The following GAS2L3 variants were observed in gnomAD, a reference collection of about 807,000 sequenced individuals.
GAS2L3 encodes growth arrest specific 2 like 3, also known as GAS2-like protein 3.
Under a neutral mutation model 37.0 loss-of-function variants are expected in GAS2L3, and 28 were observed. The ratio of observed to expected loss-of-function variants is 0.76; its 90% CI spans 0.56 to 1.04. The LOEUF is 1.04. Ranked by LOEUF, GAS2L3 falls within the 50% of genes least tolerant of loss-of-function variation. GAS2L3 has a pLI of 0.00. For missense variants in GAS2L3, 793 were observed against 817.6 expected (o/e 0.97, Z 0.37); for synonymous variants, 290 against 296.6 (o/e 0.98, Z 0.23).
At chr12:100,581,643 A>G (rs1955713990) in intron 1 of GAS2L3, among the ~76,000 whole-genome samples, 1 of 152,232 alleles carries the variant, frequency 6.6e-6, no homozygotes, top group South Asian at 2.1e-4. Context: ...TAATATCTAG[A>G]AGTTAGGGAG....
intron 1 of GAS2L3, chr12:100,579,518 C>A (rs1955681423): frequency 1.3e-6 from 1 of 773,876 alleles, no homozygotes; most frequent in Non-Finnish European, 2.4e-6. Flanking sequence ...ATTTAAATTT[C>A]ATAATTGGAG....
chr12:100,628,198 A>C lies in GAS2L3; in HGVS notation c.*3308A>C, dbSNP rs932669316. 1.3e-5 allele frequency: 2 copies of C among 152,218 alleles called. No individual in the cohort carries two copies. The highest frequency in any genetic ancestry group is 4.8e-5 in the African/African-American group (2 of 41,460). The allele number at this position is 152,218 out of a possible 1,614,324, so 9.4% of individuals were successfully genotyped here. On this transcript the variant is annotated 3_prime_UTR_variant, in exon 10 of 10. Transcript: ENST00000547754. ...TCACATAATAACCCCATTTGAATCC[A>C]AATTTGTGTATATTTTCTTATGCCA...
At chr12:100,575,811 C>T (rs1955630078) in intron 1 of GAS2L3, among the ~76,000 whole-genome samples, 1 of 152,082 alleles carries the variant, frequency 6.6e-6, no homozygotes, top group South Asian at 2.1e-4. Context: ...AAAACTGAAG[C>T]TCAAAGAAGG....
chr12:100,616,957 C>T (rs1046851016), intron 6 of GAS2L3, among the ~76,000 whole-genome samples: 2 of 151,280 alleles, frequency 1.3e-5, no homozygotes, highest in Non-Finnish European at 2.9e-5. Flanking sequence ...GTGGGTTTTT[C>T]CTAGATGCCC....
Position 100,600,397 on chromosome 12 carries a change from G to A in GAS2L3, c.34G>A (p.Asp12Asn). Residue 12 changes from aspartate to asparagine, a missense_variant, in exon 4 of 10, where the codon GAT becomes AAT. Transcript: ENST00000547754. The stretch of plus-strand genomic sequence containing the variant: ...TTTTCTTTAGGTATGGTTTGGAGAA[G>A]ATCTGCCTCTAAGTCCTCGGAGTCC... ...QPAIQVWFGE[D>N]LPLSPRSPLT... 6.3e-7 allele frequency: 1 copy of A among 1,588,724 alleles called. No individual in the cohort carries two copies.
chr12:100,616,463 C>T (rs1956188789), intron 6 of GAS2L3, among the ~76,000 whole-genome samples: 1 of 151,990 alleles, frequency 6.6e-6, no homozygotes, highest in Admixed American at 6.6e-5. Flanking sequence ...GAGACAGGGT[C>T]TCACTCTGTC....
intron 6 of GAS2L3, among the ~76,000 whole-genome samples, chr12:100,615,981 C>G (rs551502565): frequency 6.1e-4 from 92 of 152,032 alleles, no homozygotes; most frequent in African/African-American, 2.2e-3. Flanking sequence ...TTTGGAATCC[C>G]ATACTAATTT....
rs149270935 is a variant in GAS2L3 at position 100,586,317 on chromosome 12, C to T, written c.-151-5419C>T. On this transcript the variant is annotated intron_variant, in intron 1 of 9. Coordinates refer to ENST00000547754, the MANE Select transcript of GAS2L3 (RefSeq NM_174942.3). The stretch of plus-strand genomic sequence containing the variant: ...CGCATGGAACTTTCTCCAAGATAGA[C>T]CATGTAATAGGGCATAAAACGAGCC... Among the ~76,000 whole-genome samples, 593 of 152,258 alleles carry T rather than the reference C, an allele frequency of 3.9e-3. 11 individuals carry two copies. Among genetic ancestry groups the T allele is most frequent in the African/African-American group, 0.014 (570 of 41,538 alleles).
intron 2 of GAS2L3, among the ~76,000 whole-genome samples, chr12:100,593,313 T>G (rs944839815): frequency 6.6e-5 from 10 of 152,176 alleles, no homozygotes; most frequent in Admixed American, 3.3e-4. Flanking sequence ...TTTTTAAAGT[T>G]AATCCAGATG....
chr12:100,615,002 T>G (rs1418303732), intron 6 of GAS2L3, among the ~76,000 whole-genome samples: 1 of 152,324 alleles, frequency 6.6e-6, no homozygotes, highest in South Asian at 2.1e-4. Flanking sequence ...GAAGTAAACA[T>G]ATTTCTTAAT....
chr12:100,589,180 G>A (rs986218123), intron 1 of GAS2L3, among the ~76,000 whole-genome samples: 9 of 152,050 alleles, frequency 5.9e-5, no homozygotes, highest in Non-Finnish European at 1.2e-4. Flanking sequence ...CGTCTGCTGC[G>A]GCTCCCTCCG....
rs376355999 is a variant in GAS2L3, at chr12:100,597,326, A to G, written c.18+2404A>G. Among the ~76,000 whole-genome samples, 181 of 152,234 alleles carry G rather than the reference A, an allele frequency of 1.2e-3. 3 individuals are homozygous for G. In the South Asian group the frequency reaches 0.035, roughly 29 times the overall value. On this transcript the variant is annotated intron_variant, in intron 3 of 9. Transcript: ENST00000547754. ...TACAAAGAGTCATTTGCTAATATCT[A>G]TTCCTCAATTATTGAACAAATATGT...
rs1804106823 is a variant in GAS2L3 at position 100,624,942 on chromosome 12, C to T, written c.*52C>T. The T allele has an allele frequency of 1.5e-6, 2 of 1,364,074 alleles. No individual in the cohort carries two copies. The highest frequency in any genetic ancestry group is 2.0e-6 in the Non-Finnish European group (2 of 994,256). 84.5% of individuals were successfully genotyped at this position (1,364,074 alleles called of 1,614,324 possible). On this transcript the variant is annotated 3_prime_UTR_variant, in exon 10 of 10. Coordinates refer to ENST00000547754, the MANE Select transcript of GAS2L3 (RefSeq NM_174942.3). ...AAAGGAAGAATGAATGTGTTAGCTT[C>T]ACATCTTAAAAGTTTCTCCTATTTG...
At position 100,624,904 on chromosome 12, in the gene GAS2L3, A is replaced by T. The variant is rs140054697; in HGVS notation, c.*14A>T. 8.5e-4 allele frequency: 1,278 copies of T among 1,510,852 alleles called. 13 individuals are homozygous for T. The African/African-American group carries it at 0.016, about 18-fold the overall frequency. 93.6% of individuals were successfully genotyped at this position (1,510,852 alleles called of 1,614,324 possible). Reference sequence around the variant, plus strand: ...CCTAGAAAATAAATACATACTCATTATAAAAAAAGAGAAAAGGAAGAATGA... The same window carrying T: ...CCTAGAAAATAAATACATACTCATTTTAAAAAAAGAGAAAAGGAAGAATGA... On this transcript the variant is annotated 3_prime_UTR_variant, in exon 10 of 10. Coordinates refer to ENST00000547754, the MANE Select transcript of GAS2L3 (RefSeq NM_174942.3).
At position 100,624,930 on chromosome 12, in the gene GAS2L3, A is replaced by G; in HGVS notation, c.*40A>G. 7.1e-7 allele frequency: 1 copy of G among 1,417,962 alleles called. No homozygotes were observed. The highest frequency in any genetic ancestry group is 1.3e-5 in the South Asian group (1 of 74,880). The allele number at this position is 1,417,962 out of a possible 1,614,324, so 87.8% of individuals were successfully genotyped here. ...TAAAAAAAGAGAAAAGGAAGAATGAATGTGTTAGCTTCACATCTTAAAAGT... is the reference window on the plus strand; with the variant it reads ...TAAAAAAAGAGAAAAGGAAGAATGAGTGTGTTAGCTTCACATCTTAAAAGT... On this transcript the variant is annotated 3_prime_UTR_variant, in exon 10 of 10. Coordinates refer to ENST00000547754, the MANE Select transcript of GAS2L3 (RefSeq NM_174942.3).
rs1405913299 is a variant in GAS2L3 at position 100,624,867 on chromosome 12, G to A, written c.2062G>A (p.Gly688Arg). The A allele has an allele frequency of 1.3e-6, 2 of 1,587,052 alleles. No homozygotes were observed. The highest frequency in any genetic ancestry group is 1.8e-5 in the Admixed American group (1 of 56,276). ...TGATGACCATTATTTTGTCATGACTGGAAGTAAGAAACCTAGAAAATAAAT... is the reference window on the plus strand; with the variant it reads ...TGATGACCATTATTTTGTCATGACTAGAAGTAAGAAACCTAGAAAATAAAT... ...EDDDHYFVMT[G>R]SKKPRK The change falls in exon 10 of 10, where the codon GGA (glycine) becomes AGA (arginine). Residue 688 changes from glycine to arginine, a missense_variant. Gly to Arg is a moderately radical substitution (Grantham distance 125, BLOSUM62 -2). Coordinates refer to ENST00000547754, the MANE Select transcript of GAS2L3 (RefSeq NM_174942.3).
chr12:100,599,603 A>T (rs967848752), intron 3 of GAS2L3, among the ~76,000 whole-genome samples: 2 of 152,226 alleles, frequency 1.3e-5, no homozygotes. Flanking sequence ...TTTTTTAAAG[A>T]TAACACTGTT....
In GAS2L3 at chr12:100,610,086, G is replaced by A. The variant is rs115303362; in HGVS notation, c.304-1914G>A. Among the ~76,000 whole-genome samples the A allele has an allele frequency of 2.9e-3, 435 of 152,312 alleles. 3 individuals are homozygous for A. Among genetic ancestry groups the A allele is most frequent in the African/African-American group, 9.7e-3 (404 of 41,574 alleles). On this transcript the variant is annotated intron_variant, in intron 5 of 9. Transcript: ENST00000547754. Reference sequence around the variant, plus strand: ...AATTTGATGTTCCTATGGGTAAGACGAATGGCGTAGGTTTGTATGCGGCTA... The same window carrying A: ...AATTTGATGTTCCTATGGGTAAGACAAATGGCGTAGGTTTGTATGCGGCTA...
In GAS2L3 at chr12:100,624,840, G is replaced by A. The variant is rs756515340; in HGVS notation, c.2035G>A (p.Asp679Asn). The part of the protein sequence containing the change: ...DKKPTAKKKE[D>N]DDHYFVMTGS... ...AAAACCTACTGCAAAGAAAAAGGAAGATGATGACCATTATTTTGTCATGAC... is the reference window on the plus strand; with the variant it reads ...AAAACCTACTGCAAAGAAAAAGGAAAATGATGACCATTATTTTGTCATGAC... The change falls in exon 10 of 10, where the codon GAT becomes AAT. Residue 679 changes from aspartate to asparagine, a missense_variant. By Grantham distance (23) the Asp-to-Asn change is conservative (BLOSUM62 1). Transcript: ENST00000547754. The A allele has an allele frequency of 6.2e-7, 1 of 1,608,764 alleles. No homozygotes were observed. The highest frequency in any genetic ancestry group is 1.1e-5 in the South Asian group (1 of 90,544).
Sources: gnomAD v4.1 joint callset for allele counts (sites outside exome capture counted in the v4.1 genomes callset) on GRCh38, gnomAD v4.1.1 for gene constraint, MANE v1.5 for transcripts, NCBI Gene and HGNC (gene_info 2026-07-23, HGNC 2026-07-21) for gene names.